BTC: variants seen among roughly 807,000 people sequenced by gnomAD.
BTC encodes the protein probetacellulin.
In BTC, 13 loss-of-function variants were observed where a neutral mutation model predicts 18.1. The ratio of observed to expected loss-of-function variants is 0.72; its 90% CI spans 0.47 to 1.14. The LOEUF (loss-of-function observed/expected upper bound fraction) is 1.14, where lower values mean the gene tolerates loss of function less well. Ranked by LOEUF, BTC falls within the 50% of genes most tolerant of loss-of-function variation. The pLI, the probability that BTC is intolerant of heterozygous loss-of-function variation, is 0.00. For missense variants in BTC, 247 were observed against 224.2 expected (o/e 1.10, Z -0.65); for synonymous variants, 83 against 79.4 (o/e 1.05, Z -0.24).
At chr4:74,749,482 CAAAATAAA>C (rs1471814169) in intron 4 of BTC, among the ~76,000 whole-genome samples, 4 of 121,892 alleles carry the variant, frequency 3.3e-5, no homozygotes, top group South Asian at 5.1e-4. Context: ...GACTCTGTCT[CAAAATAAA>C]TAAATAAATA....
intron 2 of BTC, among the ~76,000 whole-genome samples, chr4:74,769,669 C>G (rs1272887405): frequency 1.3e-5 from 2 of 152,170 alleles, no homozygotes; most frequent in East Asian, 1.9e-4. Flanking sequence ...AAGAATTTAA[C>G]TTTGGGTAGA....
Position 74,755,864 on chromosome 4 carries a change from G to A in BTC, c.276C>T (p.Ser92=). The stretch of plus-strand genomic sequence containing the variant: ...GCTGAGGACACTCCACTTACACACA[G>A]GAGGGCGTCTGCTCGGCCACCACGA... ...CRFVVAEQTP[S]CVCDEGYIGA... Residue 92 remains serine (S), a synonymous_variant, in exon 3 of 6, where the codon TCC becomes TCT. Coordinates refer to ENST00000395743, the MANE Select transcript of BTC (RefSeq NM_001729.4). 4 of 1,614,000 alleles carry A rather than the reference G, an allele frequency of 2.5e-6. No homozygotes were observed. The highest frequency in any genetic ancestry group is 3.4e-6 in the Non-Finnish European group (4 of 1,179,928).
intron 2 of BTC, among the ~76,000 whole-genome samples, chr4:74,762,236 TC>T (rs1229415126): frequency 6.6e-6 from 1 of 152,220 alleles, no homozygotes; most frequent in Non-Finnish European, 1.5e-5. Flanking sequence ...ATTTTGATCT[TC>T]CCATGTGATT....
At chr4:74,774,105 G>A (rs1268026089) in intron 1 of BTC, among the ~76,000 whole-genome samples, 4 of 152,162 alleles carry the variant, frequency 2.6e-5, no homozygotes, top group Non-Finnish European at 5.9e-5. Flanking sequence ...CAAAAAAAGT[G>A]TAAGCAAGAT....
intron 1 of BTC, among the ~76,000 whole-genome samples, chr4:74,787,510 T>C (rs7692290): frequency 0.18 from 26,861 of 151,932 alleles, 3,885 homozygotes; most frequent in African/African-American, 0.41. Flanking sequence ...TCTGGAAAGG[T>C]TAGCCATCTT....
At chr4:74,774,996 T>A (rs1208020182) in intron 1 of BTC, among the ~76,000 whole-genome samples, 1 of 150,922 alleles carries the variant, frequency 6.6e-6, no homozygotes, top group Non-Finnish European at 1.5e-5. Flanking sequence ...AAAAAAGGAG[T>A]CTGGGATGAC....
intron 5 of BTC, 100 bp from the exon 6 acceptor site, chr4:74,746,775 T>G (rs1235722707): frequency 6.9e-6 from 1 of 145,300 alleles, no homozygotes; most frequent in Non-Finnish European, 1.6e-5. Flanking sequence ...TGTTTTCAAT[T>G]CAATAATGTT....
intron 5 of BTC, among the ~76,000 whole-genome samples, chr4:74,747,194 G>C (rs782249457): frequency 1.3e-5 from 2 of 152,136 alleles, no homozygotes; most frequent in Non-Finnish European, 2.9e-5. Context: ...TGCTAGTTAC[G>C]CGTCATGTGC....
At chr4:74,748,888 C>T (rs1724369921) in intron 4 of BTC, among the ~76,000 whole-genome samples, 1 of 152,176 alleles carries the variant, frequency 6.6e-6, no homozygotes, top group East Asian at 1.9e-4. Flanking sequence ...AGTGCAGCTC[C>T]AAGTTGATAT....
chr4:74,786,580 G>C (rs28600316), intron 1 of BTC, among the ~76,000 whole-genome samples: 4 of 151,896 alleles, frequency 2.6e-5, no homozygotes, highest in Non-Finnish European at 4.4e-5. Flanking sequence ...TTGATTACTC[G>C]CCATTAATGA....
At chr4:74,751,238 A>G (rs115305313) in intron 3 of BTC, among the ~76,000 whole-genome samples, 27 of 152,300 alleles carry the variant, frequency 1.8e-4, no homozygotes, top group Non-Finnish European at 3.2e-4. Context: ...AGAATGTTCC[A>G]TAAGTGTTAT....
At chr4:74,767,277 T>C (rs1724925393) in intron 2 of BTC, among the ~76,000 whole-genome samples, 1 of 151,860 alleles carries the variant, frequency 6.6e-6, no homozygotes, top group Non-Finnish European at 1.5e-5. Flanking sequence ...CCAGTTGTAT[T>C]TGTACACACT....
intron 2 of BTC, among the ~76,000 whole-genome samples, chr4:74,757,239 A>G (rs1212881206): frequency 6.6e-6 from 1 of 152,242 alleles, no homozygotes; most frequent in African/African-American, 2.4e-5. Context: ...AAGGGTACAT[A>G]TAATTGCCCC....
At chr4:74,750,536 C>T (rs1553956028) in intron 4 of BTC, 37 bp downstream of exon 4, 1 of 1,575,002 alleles carries the variant, frequency 6.3e-7, no homozygotes, top group South Asian at 1.2e-5. Flanking sequence ...AATACTGTTT[C>T]TCAGATTTAC....
chr4:74,751,765 A>G (rs1553956214), intron 3 of BTC, among the ~76,000 whole-genome samples: 2 of 152,230 alleles, frequency 1.3e-5, no homozygotes, highest in Non-Finnish European at 2.9e-5. Flanking sequence ...GGACATTTTA[A>G]CCAAAATTAT....
rs563341390 is a variant in BTC, at chr4:74,767,833, A to T, written c.163+2225T>A. Reference sequence around the variant, plus strand: ...AATGATGTTTGAAAACTAGATATCCACATGCAAAAGAATGAAATTGGACCC... The same window carrying T: ...AATGATGTTTGAAAACTAGATATCCTCATGCAAAAGAATGAAATTGGACCC... On this transcript the variant is annotated intron_variant, in intron 2 of 5. Transcript: ENST00000395743. Among the ~76,000 whole-genome samples the T allele has an allele frequency of 2.6e-5, 4 of 152,264 alleles. No individual in the cohort carries two copies. In the South Asian group the frequency reaches 8.3e-4, roughly 32 times the overall value.
chr4:74,770,089 G>A lies in BTC; in HGVS notation c.132C>T (p.Leu44=), dbSNP rs761435121. ...NSTRSPETNG[L]LCGDPEENCA... ...AGTTTTCCTCAGGGTCTCCACAGAG[G>A]AGGCCATTAGTTTCAGGACTTCTGG... Residue 44 remains leucine, a synonymous_variant, in exon 2 of 6, where the codon CTC becomes CTT. Coordinates refer to ENST00000395743, the MANE Select transcript of BTC (RefSeq NM_001729.4). 2 of 1,613,206 alleles carry A rather than the reference G, an allele frequency of 1.2e-6. No individual in the cohort carries two copies. Among genetic ancestry groups the A allele is most frequent in the Non-Finnish European group, 1.7e-6 (2 of 1,179,508 alleles).
chr4:74,767,846 T>C (rs1157166098), intron 2 of BTC, among the ~76,000 whole-genome samples: 1 of 152,062 alleles, frequency 6.6e-6, no homozygotes, highest in African/African-American at 2.4e-5. Context: ...TGCAAAAGAA[T>C]GAAATTGGAC....
intron 1 of BTC, among the ~76,000 whole-genome samples, chr4:74,772,401 A>G (rs1269719120): frequency 3.3e-5 from 5 of 152,210 alleles, no homozygotes; most frequent in Non-Finnish European, 7.3e-5. Flanking sequence ...TCTGAAGCAC[A>G]GGAATTTTAT....
Sources: allele counts gnomAD v4.1 joint callset (sites outside exome capture counted in the v4.1 genomes callset), GRCh38; gene constraint gnomAD v4.1.1; transcripts MANE v1.5; gene names NCBI Gene and HGNC (gene_info 2026-07-23, HGNC 2026-07-21).